Variants in PCNX2 observed in about 807,000 individuals in gnomAD.
PCNX2 encodes the protein pecanex-like protein 2.
PCNX2 carries 168 observed loss-of-function variants against 223.8 expected under a neutral mutation model. The observed-to-expected ratio is 0.75, with a 90% confidence interval of 0.66 to 0.85. The LOEUF (loss-of-function observed/expected upper bound fraction) is 0.85. PCNX2 is among the 40% of genes least tolerant of loss of function. The probability of loss-of-function intolerance (pLI) is 0.00; values close to 1 mark genes in which losing one functional copy is unlikely to be tolerated. For missense variants in PCNX2, 2,507 were observed against 2,675.5 expected (o/e 0.94, Z 1.39); for synonymous variants, 1,006 against 1,052.6 (o/e 0.96, Z 0.86).
intron 10 of PCNX2, among the ~76,000 whole-genome samples, chr1:233,225,868 T>C (rs1156859061): frequency 6.6e-6 from 1 of 152,240 alleles, no homozygotes; most frequent in East Asian, 1.9e-4. Context: ...CTTCTAAGTG[T>C]GTGCCCCTTG....
Position 233,169,924 on chromosome 1 carries a change from G to A in PCNX2, c.3273+7878C>T, listed in dbSNP as rs79995386. Among the ~76,000 whole-genome samples the A allele has an allele frequency of 6.8e-3, 1,034 of 151,256 alleles. 6 individuals carry two copies. The highest frequency in any genetic ancestry group is 0.031 in the Middle Eastern group (9 of 294). Reference sequence around the variant, plus strand: ...TTACGACTTAGGTATGCAACTGTAAGCTGTTTAATTTTGCCCATTTTTACT... The same window carrying A: ...TTACGACTTAGGTATGCAACTGTAAACTGTTTAATTTTGCCCATTTTTACT... On this transcript the variant is annotated intron_variant, in intron 17 of 33. Transcript: ENST00000258229.
chr1:233,134,915 A>T, intron 21 of PCNX2, 98 bp downstream of exon 21: 1 of 1,080,962 alleles, frequency 9.3e-7, no homozygotes, highest in Non-Finnish European at 1.3e-6. Context: ...TCCTCCCATA[A>T]TTTTTTTTAT....
intron 8 of PCNX2, among the ~76,000 whole-genome samples, chr1:233,239,792 A>C (rs1658643957): frequency 6.6e-6 from 1 of 152,150 alleles, no homozygotes; most frequent in African/African-American, 2.4e-5. Flanking sequence ...TAGCAACATA[A>C]CTCCTATGCT....
chr1:233,295,792 C>A (rs1379572264), upstream of PCNX2: 2 of 288,762 alleles, frequency 6.9e-6, no homozygotes, highest in Non-Finnish European at 1.3e-5. This position sits in a 1 kb window ranked among gnomAD's most constrained non-coding sequence, Gnocchi z 4.1. Context: ...CTCCCAACGC[C>A]CGCCCAGTCC....
chr1:233,112,688 T>G (rs568023754), intron 21 of PCNX2, among the ~76,000 whole-genome samples: 9 of 152,334 alleles, frequency 5.9e-5, no homozygotes, highest in Admixed American at 6.5e-5. Context: ...GTTAGCGGGA[T>G]GAATGTGTCT....
Position 233,024,101 on chromosome 1 carries a change from T to TG in PCNX2, c.4605+1044dup, listed in dbSNP as rs553339308. On this transcript the variant is annotated intron_variant, in intron 26 of 33. Coordinates refer to ENST00000258229, the MANE Select transcript of PCNX2 (RefSeq NM_014801.4). ...TAATTTTTCAATTTTTTTGTAGAGA[T>TG]GGGGGGTCTTGCTATGTTGCCTAGG... 1.1e-4 allele frequency among the ~76,000 whole-genome samples: 17 copies of TG among 152,256 alleles called. No individual in the cohort carries two copies. The East Asian group carries it at 1.7e-3, about 16-fold the overall frequency.
intron 23 of PCNX2, chr1:233,058,585 T>G (rs939347685): frequency 1.3e-5 from 2 of 152,086 alleles, no homozygotes; most frequent in Non-Finnish European, 2.9e-5. Flanking sequence ...GATTTGGGCA[T>G]AATGAAGGTC....
In PCNX2 at chr1:233,263,018, T is replaced by A; in HGVS notation, c.299A>T (p.Glu100Val). The A allele has an allele frequency of 6.2e-7, 1 of 1,613,840 alleles. No homozygotes were observed. Among genetic ancestry groups the A allele is most frequent in the Non-Finnish European group, 8.5e-7 (1 of 1,179,824 alleles). ...VIQQKPSRKE[E>V]KPNKDKEAKG... ...GGCCTCCTTGTCTTTATTTGGCTTT[T>A]CTTCCTTTCTGGAGGGCTTTTGCTG... The change falls in exon 2 of 34, where the codon GAA becomes GTA. Residue 100 changes from glutamate (E) to valine (V), a missense_variant. Glu to Val is a moderately radical substitution (Grantham distance 121, BLOSUM62 -2). Around this residue, in one of 3 missense-constraint regions of PCNX2, gnomAD observed 1,031 missense variants for 1,021.7 expected, o/e 1.01. Transcript: ENST00000258229.
chr1:233,059,348 C>G (rs1410323005), intron 23 of PCNX2, among the ~76,000 whole-genome samples: 1 of 152,282 alleles, frequency 6.6e-6, no homozygotes. Context: ...TGTCATGTGC[C>G]TGTTCTAAGT....
At chr1:233,222,350 G>T (rs1284756040) in intron 10 of PCNX2, among the ~76,000 whole-genome samples, 1 of 152,102 alleles carries the variant, frequency 6.6e-6, no homozygotes, top group Non-Finnish European at 1.5e-5. Flanking sequence ...GCCATTGCTG[G>T]GCAGTCGGTA....
intron 7 of PCNX2, among the ~76,000 whole-genome samples, 198 bp downstream of exon 7, chr1:233,252,156 A>T (rs983976869): frequency 2.6e-5 from 4 of 152,248 alleles, no homozygotes; most frequent in Admixed American, 1.3e-4. Flanking sequence ...AATCAATAGC[A>T]CACACTGGGG....
chr1:233,121,768 T>G (rs377508455), intron 21 of PCNX2, among the ~76,000 whole-genome samples: 9 of 152,298 alleles, frequency 5.9e-5, no homozygotes, highest in African/African-American at 2.2e-4. Flanking sequence ...AGATTAGATT[T>G]GAAAACATTA....
chr1:233,324,281 C>T, the PCNX2 span, among the ~76,000 whole-genome samples: 5 of 152,188 alleles, frequency 3.3e-5, no homozygotes, highest in Non-Finnish European at 7.3e-5. Context: ...TCCAGAACAT[C>T]TAGCTAAGAT....
chr1:233,112,738 A>C, intron 21 of PCNX2: 1 of 915,222 alleles, frequency 1.1e-6, no homozygotes, highest in Admixed American at 3.8e-5. Flanking sequence ...TCACATATTT[A>C]TTATAGTATA....
chr1:233,305,365 A>G, the PCNX2 span, among the ~76,000 whole-genome samples: 2 of 152,250 alleles, frequency 1.3e-5, no homozygotes, highest in African/African-American at 4.8e-5. Context: ...TGAAGCTAAT[A>G]TTAATCTGAA....
intron 12 of PCNX2, among the ~76,000 whole-genome samples, chr1:233,211,124 G>C (rs143065556): frequency 2.2e-4 from 34 of 152,210 alleles, no homozygotes; most frequent in Middle Eastern, 3.4e-3. Context: ...TTGTTGTAAG[G>C]GAGCTGGGGT....
chr1:233,169,526 T>TC (rs541487820), intron 17 of PCNX2, among the ~76,000 whole-genome samples: 70 of 150,536 alleles, frequency 4.7e-4, no homozygotes, highest in Non-Finnish European at 6.6e-4. Context: ...GCGCCTGTAG[T>TC]CCCAGCTACA....
the PCNX2 span, among the ~76,000 whole-genome samples, chr1:233,317,338 T>C: frequency 6.6e-6 from 1 of 152,076 alleles, no homozygotes; most frequent in African/African-American, 2.4e-5. Flanking sequence ...TGCTTGAACC[T>C]GGGAGGCAAA....
At chr1:233,033,114 C>T in intron 25 of PCNX2, 1 of 985,398 alleles carries the variant, frequency 1.0e-6, no homozygotes, top group Non-Finnish European at 1.2e-6. Context: ...GAATGTCAAG[C>T]TGGCAAGGCT....
Sources: gnomAD v4.1 joint callset for allele counts (sites outside exome capture counted in the v4.1 genomes callset) on GRCh38, gnomAD v4.1.1 for gene constraint, gnomAD v4.1.1 regional missense constraint, Gnocchi (gnomAD v3.1) non-coding constraint, MANE v1.5 for transcripts, NCBI Gene and HGNC (gene_info 2026-07-23, HGNC 2026-07-21) for gene names.